The following ZMAT4 variants were observed in gnomAD, a reference collection of about 807,000 sequenced individuals.
The protein encoded by ZMAT4 is zinc finger matrin-type protein 4.
Under a neutral mutation model 28.7 loss-of-function variants are expected in ZMAT4, and 17 were observed. The ratio of observed to expected loss-of-function variants is 0.59; its 90% CI spans 0.41 to 0.89. The LOEUF (loss-of-function observed/expected upper bound fraction) is 0.89, where lower values mean the gene tolerates loss of function less well. Ranked by LOEUF, ZMAT4 falls within the 40% of genes least tolerant of loss-of-function variation. The pLI is 0.00. For missense variants in ZMAT4, 240 were observed against 283.8 expected (o/e 0.85, Z 1.11); for synonymous variants, 117 against 109.2 (o/e 1.07, Z -0.44).
In ZMAT4 at chr8:40,806,723, T is replaced by C. The variant is rs565537969; in HGVS notation, c.102+18852A>G. Among the ~76,000 whole-genome samples, 352 of 152,258 alleles carry C rather than the reference T, an allele frequency of 2.3e-3. 3 individuals carry two copies. Among genetic ancestry groups the C allele is most frequent in the Admixed American group, 3.1e-3 (48 of 15,288 alleles). ...TTGCTACATACATCCTTCTCATTTG[T>C]GTGGATGTCATTTCTGCTTCTGTCT... On this transcript the variant is annotated intron_variant, in intron 2 of 6. Transcript: ENST00000297737.
At chr8:40,711,344 T>A (rs1585920087) in intron 3 of ZMAT4, among the ~76,000 whole-genome samples, 2 of 152,218 alleles carry the variant, frequency 1.3e-5, no homozygotes, top group East Asian at 3.8e-4. Flanking sequence ...AATGAATTAA[T>A]GGATCTAGGC....
intron 4 of ZMAT4, among the ~76,000 whole-genome samples, chr8:40,691,168 G>A (rs1333248372): frequency 6.6e-6 from 1 of 152,090 alleles, no homozygotes; most frequent in Non-Finnish European, 1.5e-5. Context: ...GTGTGTTTCT[G>A]CTTAAATGTG....
chr8:40,591,284 G>T (rs1339590365), intron 5 of ZMAT4, among the ~76,000 whole-genome samples: 1 of 152,166 alleles, frequency 6.6e-6, no homozygotes, highest in Non-Finnish European at 1.5e-5. Context: ...AGTGACACTT[G>T]GTGTGGAATC....
intron 6 of ZMAT4, among the ~76,000 whole-genome samples, chr8:40,571,148 A>G (rs1438544276): frequency 6.6e-6 from 1 of 152,162 alleles, no homozygotes; most frequent in African/African-American, 2.4e-5. Flanking sequence ...GCTAAACAAT[A>G]TTAAGTGTCA....
chr8:40,763,988 C>CA (rs1234386781), intron 3 of ZMAT4, among the ~76,000 whole-genome samples: 94 of 140,140 alleles, frequency 6.7e-4, no homozygotes, highest in Middle Eastern at 3.4e-3. Flanking sequence ...ATCACACACA[C>CA]AAAAAAAAAA....
chr8:40,559,553 C>T (rs888443613), intron 6 of ZMAT4, among the ~76,000 whole-genome samples: 1 of 152,154 alleles, frequency 6.6e-6, no homozygotes. Flanking sequence ...GAACTGCCTG[C>T]TTTTTGGCCT....
chr8:40,598,897 C>G (rs1294685452), intron 5 of ZMAT4, among the ~76,000 whole-genome samples: 1 of 152,138 alleles, frequency 6.6e-6, no homozygotes, highest in Non-Finnish European at 1.5e-5. Context: ...GTACGAATGT[C>G]TGCTATTTAA....
intron 3 of ZMAT4, among the ~76,000 whole-genome samples, chr8:40,756,379 T>G (rs971592142): frequency 7.1e-6 from 1 of 140,424 alleles, no homozygotes; most frequent in Non-Finnish European, 1.5e-5. Context: ...AAATTATAAA[T>G]GCACACATGT....
At chr8:40,748,114 A>G (rs1057258483) in intron 3 of ZMAT4, among the ~76,000 whole-genome samples, 5 of 152,250 alleles carry the variant, frequency 3.3e-5, no homozygotes, top group Admixed American at 2.0e-4. Flanking sequence ...TAAAACCGAG[A>G]TAATAACTTT....
chr8:40,686,506 C>T (rs569608507), intron 4 of ZMAT4, among the ~76,000 whole-genome samples: 6 of 152,066 alleles, frequency 3.9e-5, no homozygotes, highest in Middle Eastern at 3.4e-3. Context: ...TAGTGATGCA[C>T]GTCTGTAGTC....
intron 5 of ZMAT4, among the ~76,000 whole-genome samples, chr8:40,638,995 T>C (rs1454085733): frequency 6.6e-6 from 1 of 152,244 alleles, no homozygotes; most frequent in Non-Finnish European, 1.5e-5. Flanking sequence ...GTAGCCTTGC[T>C]GCACTCCCAT....
intron 2 of ZMAT4, among the ~76,000 whole-genome samples, chr8:40,820,647 G>A (rs1489774524): frequency 7.5e-5 from 10 of 133,314 alleles, no homozygotes; most frequent in Non-Finnish European, 1.1e-4. Flanking sequence ...AGTGTCTCGG[G>A]CATGTGTGTG....
rs375102760 is a variant in ZMAT4, at chr8:40,649,244, C to T, written c.577+25460G>A. Among the ~76,000 whole-genome samples the T allele has an allele frequency of 2.1e-3, 323 of 151,672 alleles. 1 individual carries two copies. Among genetic ancestry groups the T allele is most frequent in the African/African-American group, 7.3e-3 (301 of 41,342 alleles). The stretch of plus-strand genomic sequence containing the variant: ...GATGGAGGAAGATCTACCAAGCAAA[C>T]GGAAAACAAAAAAAGGCAGGGGTTG... On this transcript the variant is annotated intron_variant, in intron 5 of 6. Coordinates refer to ENST00000297737, the MANE Select transcript of ZMAT4 (RefSeq NM_024645.3).
chr8:40,546,720 AG>A (rs1348373022), intron 6 of ZMAT4, among the ~76,000 whole-genome samples: 1 of 152,176 alleles, frequency 6.6e-6, no homozygotes, highest in African/African-American at 2.4e-5. Context: ...AGACACAGAA[AG>A]GGAAGGGAGA....
At chr8:40,782,418 CAAAA>C (rs1469891018) in intron 2 of ZMAT4, among the ~76,000 whole-genome samples, 10 of 151,072 alleles carry the variant, frequency 6.6e-5, no homozygotes, top group Non-Finnish European at 1.2e-4. Flanking sequence ...AACAAACAAA[CAAAA>C]ACAAAAAGAA....
At chr8:40,796,921 C>T (rs1814624676) in intron 2 of ZMAT4, among the ~76,000 whole-genome samples, 1 of 152,172 alleles carries the variant, frequency 6.6e-6, no homozygotes, top group African/African-American at 2.4e-5. Context: ...CAAGGCCTTC[C>T]AGCCCCATAA....
chr8:40,750,804 C>T (rs560180676), intron 3 of ZMAT4, among the ~76,000 whole-genome samples: 1 of 152,258 alleles, frequency 6.6e-6, no homozygotes, highest in African/African-American at 2.4e-5. Context: ...CAGTGGGGCC[C>T]CCCAAAAACA....
intron 1 of ZMAT4, among the ~76,000 whole-genome samples, chr8:40,841,507 ACTC>A (rs2150626881): frequency 6.6e-6 from 1 of 150,924 alleles, no homozygotes; most frequent in South Asian, 2.1e-4. Context: ...ACATCCCCCT[ACTC>A]CTCTTACCCA....
At chr8:40,599,476 A>C (rs4736874) in intron 5 of ZMAT4, among the ~76,000 whole-genome samples, 1 of 152,116 alleles carries the variant, frequency 6.6e-6, no homozygotes, top group African/African-American at 2.4e-5. Context: ...TATTTCCCAG[A>C]TAAAATTGGA....
Sources: allele counts gnomAD v4.1 joint callset (sites outside exome capture counted in the v4.1 genomes callset), GRCh38; gene constraint gnomAD v4.1.1; transcripts MANE v1.5; gene names NCBI Gene and HGNC (gene_info 2026-07-23, HGNC 2026-07-21).